The following ELL2 variants were observed in gnomAD, a reference collection of about 807,000 sequenced individuals.
ELL2 encodes the protein elongation factor for RNA polymerase II 2, also known as RNA polymerase II elongation factor ELL2.
A neutral mutation model predicts 72.8 loss-of-function variants in ELL2; 21 were observed. That is an observed-to-expected ratio of 0.29 (90% confidence interval 0.20 to 0.42). The LOEUF (loss-of-function observed/expected upper bound fraction) is 0.42, where lower values mean the gene tolerates loss of function less well. ELL2 is among the 10% of genes least tolerant of loss of function. The pLI, the probability that ELL2 is intolerant of heterozygous loss-of-function variation, is 1.00. For missense variants in ELL2, 568 were observed against 772.8 expected, an observed-to-expected ratio of 0.73 and a Z score of 3.14; for synonymous variants, 266 against 283.2, an observed-to-expected ratio of 0.94 and a Z score of 0.61.
intron 2 of ELL2, among the ~76,000 whole-genome samples, chr5:95,934,272 T>C (rs948480025): frequency 1.3e-5 from 2 of 151,668 alleles, no homozygotes; most frequent in Non-Finnish European, 2.9e-5. Context: ...TTTTCATGTA[T>C]TATAAAGAAC....
At chr5:95,946,958 G>GA (rs1289175154) in intron 1 of ELL2, among the ~76,000 whole-genome samples, 8 of 151,980 alleles carry the variant, frequency 5.3e-5, no homozygotes, top group Non-Finnish European at 1.0e-4. Context: ...ATGCCCAAAG[G>GA]AAAAAAATCC....
intron 1 of ELL2, among the ~76,000 whole-genome samples, chr5:95,949,776 G>A (rs981850820): frequency 6.6e-5 from 10 of 151,996 alleles, no homozygotes; most frequent in Admixed American, 2.0e-4. Context: ...TCTATAAGTG[G>A]TGATGGTTCA....
chr5:95,951,419 T>TG (rs1414869053), intron 1 of ELL2, among the ~76,000 whole-genome samples: 1 of 150,710 alleles, frequency 6.6e-6, no homozygotes, highest in Non-Finnish European at 1.5e-5. Flanking sequence ...CAACAACACT[T>TG]GAAGCATAGT....
In ELL2 at chr5:95,942,992, G is replaced by A; in HGVS notation, c.195+10C>T. 6.4e-7 allele frequency: 1 copy of A among 1,574,220 alleles called. No homozygotes were observed. Among genetic ancestry groups the A allele is most frequent in the Non-Finnish European group, 8.6e-7 (1 of 1,160,292 alleles). On this transcript the variant is annotated intron_variant, in intron 2 of 11. Transcript: ENST00000237853. ...TTAGATTTGTTTGTTAAATCAATAAGAGTACTCACCCCGTGGAGTCCTTGG... is the reference window on the plus strand; with the variant it reads ...TTAGATTTGTTTGTTAAATCAATAAAAGTACTCACCCCGTGGAGTCCTTGG...
intron 4 of ELL2, among the ~76,000 whole-genome samples, chr5:95,911,922 C>T (rs982547271): frequency 4.6e-5 from 7 of 152,122 alleles, no homozygotes; most frequent in African/African-American, 9.7e-5. Flanking sequence ...CCGGATTGGC[C>T]GAGATCGATG....
At chr5:95,955,450 C>G (rs1198413507) in intron 1 of ELL2, among the ~76,000 whole-genome samples, 2 of 152,076 alleles carry the variant, frequency 1.3e-5, no homozygotes, top group African/African-American at 4.8e-5. Flanking sequence ...AACTCTTAAA[C>G]CAGTTCTTCC....
intron 5 of ELL2, among the ~76,000 whole-genome samples, chr5:95,904,611 CA>C (rs1749284630): frequency 6.6e-6 from 1 of 152,142 alleles, no homozygotes; most frequent in African/African-American, 2.4e-5. Context: ...AACAAATAAG[CA>C]AATTATCTCT....
intron 2 of ELL2, among the ~76,000 whole-genome samples, chr5:95,927,755 A>G (rs1405270266): frequency 8.6e-5 from 8 of 93,458 alleles, no homozygotes; most frequent in East Asian, 4.7e-4. Flanking sequence ...ATATGTGTGT[A>G]TATAGACATA....
chr5:95,935,586 G>C (rs1220469208), intron 2 of ELL2, among the ~76,000 whole-genome samples: 1 of 152,144 alleles, frequency 6.6e-6, no homozygotes, highest in Non-Finnish European at 1.5e-5. Flanking sequence ...CTTTGGAGTT[G>C]CTTTTTGAAA....
At position 95,927,400 on chromosome 5, in the gene ELL2, T is replaced by TACACACACACGTGTGTATATAGACATAC. The variant is rs147145672; in HGVS notation, c.196-7856_196-7855insGTATGTCTATATACACACGTGTGTGTGT. 6.1e-4 allele frequency among the ~76,000 whole-genome samples: 18 copies of TACACACACACGTGTGTATATAGACATAC among 29,478 alleles called. 3 individuals are homozygous for TACACACACACGTGTGTATATAGACATAC. Among genetic ancestry groups the TACACACACACGTGTGTATATAGACATAC allele is most frequent in the Admixed American group, 1.4e-3 (5 of 3,694 alleles). 19.3% of individuals were successfully genotyped at this position (29,478 alleles called of 152,430 possible). On this transcript the variant is annotated intron_variant, in intron 2 of 11. Coordinates refer to ENST00000237853, the MANE Select transcript of ELL2 (RefSeq NM_012081.6). ...ACACACACGTGTGTATATATAGACA[T>TACACACACACGTGTGTATATAGACATAC]ACACACACGTGTGTATATAGACATA...
chr5:95,920,142 T>C (rs1237419250), intron 2 of ELL2, among the ~76,000 whole-genome samples: 1 of 152,140 alleles, frequency 6.6e-6, no homozygotes, highest in Non-Finnish European at 1.5e-5. Flanking sequence ...TACATCCTCA[T>C]GTTTACAGAA....
intron 2 of ELL2, among the ~76,000 whole-genome samples, chr5:95,941,531 T>C (rs1354128085): frequency 1.3e-5 from 2 of 152,170 alleles, no homozygotes; most frequent in African/African-American, 4.8e-5. Context: ...CACATATTGG[T>C]GCCCCATAAT....
intron 2 of ELL2, among the ~76,000 whole-genome samples, chr5:95,940,442 A>G (rs1374971309): frequency 6.6e-6 from 1 of 152,200 alleles, no homozygotes; most frequent in Admixed American, 6.5e-5. Context: ...GACATCACTG[A>G]GGGAAAAAAA....
At chr5:95,939,244 T>C (rs1244231004) in intron 2 of ELL2, among the ~76,000 whole-genome samples, 6 of 152,222 alleles carry the variant, frequency 3.9e-5, no homozygotes, top group Admixed American at 2.0e-4. Context: ...CCCATTTCCA[T>C]AGAAGTTCTG....
chr5:95,897,611 C>A (rs1394805944), intron 8 of ELL2, among the ~76,000 whole-genome samples: 1 of 152,126 alleles, frequency 6.6e-6, no homozygotes, highest in Non-Finnish European at 1.5e-5. Flanking sequence ...TTACAAATAA[C>A]AATTGATGTT....
At chr5:95,926,650 G>C (rs149149489) in intron 2 of ELL2, among the ~76,000 whole-genome samples, 17 of 152,188 alleles carry the variant, frequency 1.1e-4, no homozygotes, top group African/African-American at 3.9e-4. Flanking sequence ...AAAATTTCTA[G>C]TTCTGGATTA....
At chr5:95,959,826 T>A (rs550474860) in intron 1 of ELL2, among the ~76,000 whole-genome samples, 3 of 152,368 alleles carry the variant, frequency 2.0e-5, no homozygotes, top group African/African-American at 7.2e-5. Flanking sequence ...TCCTAGCACG[T>A]ACATTCATGT....
intron 10 of ELL2, among the ~76,000 whole-genome samples, chr5:95,889,786 A>C (rs2112263124): frequency 6.6e-6 from 1 of 151,826 alleles, no homozygotes; most frequent in South Asian, 2.1e-4. Context: ...ATGTACATAC[A>C]TTTTATACCA....
chr5:95,947,904 G>C (rs944874808), intron 1 of ELL2, among the ~76,000 whole-genome samples: 2 of 151,898 alleles, frequency 1.3e-5, no homozygotes, highest in African/African-American at 4.8e-5. Context: ...ATGATGTATA[G>C]TGAAAGAACA....
Sources: allele counts gnomAD v4.1 joint callset (sites outside exome capture counted in the v4.1 genomes callset), GRCh38; gene constraint gnomAD v4.1.1; transcripts MANE v1.5; gene names NCBI Gene and HGNC (gene_info 2026-07-23, HGNC 2026-07-21).